The following ADAM19 variants were observed in gnomAD, a reference collection of about 807,000 sequenced individuals.
ADAM19 encodes disintegrin and metalloproteinase domain-containing protein 19.
Under a neutral mutation model 114.7 loss-of-function variants are expected in ADAM19, and 65 were observed. The observed-to-expected ratio is 0.57, with a 90% CI of 0.46 to 0.70. The LOEUF is 0.70. Among genes scored for constraint, ADAM19 ranks in the 30% least tolerant of loss-of-function variants. The pLI, the probability that ADAM19 is intolerant of heterozygous loss-of-function variation, is 0.00. For missense variants in ADAM19, 1,063 were observed against 1,204.7 expected, an observed-to-expected ratio of 0.88 and a Z score of 1.74; for synonymous variants, 466 against 460.5, an observed-to-expected ratio of 1.01 and a Z score of -0.15.
chr5:157,550,451 A>C (rs1757160651), intron 3 of ADAM19, among the ~76,000 whole-genome samples: 1 of 152,148 alleles, frequency 6.6e-6, no homozygotes, highest in Admixed American at 6.5e-5. Context: ...CTCAATTTCC[A>C]AATAAGGTCA....
chr5:157,483,427 G>T (rs1754825735), intron 21 of ADAM19, among the ~76,000 whole-genome samples: 1 of 152,164 alleles, frequency 6.6e-6, no homozygotes, highest in Admixed American at 6.5e-5. Flanking sequence ...TAAAAAGAAT[G>T]AAGTAGGTTG....
chr5:157,503,800 C>A (rs1364258953), intron 11 of ADAM19, among the ~76,000 whole-genome samples: 2 of 152,168 alleles, frequency 1.3e-5, no homozygotes, highest in Admixed American at 6.5e-5. Flanking sequence ...CATTTTGGGC[C>A]AGTGATCTCA....
chr5:157,568,156 G>A (rs779139002), intron 2 of ADAM19: 5 of 152,052 alleles, frequency 3.3e-5, no homozygotes, highest in Admixed American at 1.3e-4. Context: ...TGTAATTTTA[G>A]TAGACAGGGT....
At chr5:157,548,694 A>T (rs1386991270) in intron 3 of ADAM19, among the ~76,000 whole-genome samples, 3 of 152,156 alleles carry the variant, frequency 2.0e-5, no homozygotes, top group African/African-American at 7.2e-5. Flanking sequence ...AATCAAAAAC[A>T]TCTCCTGGGT....
At chr5:157,520,938 T>C (rs1756269035) in intron 5 of ADAM19, among the ~76,000 whole-genome samples, 1 of 152,210 alleles carries the variant, frequency 6.6e-6, no homozygotes, top group African/African-American at 2.4e-5. Flanking sequence ...AAACATTTAC[T>C]GGGCTCCTGC....
rs377513607 is a variant in ADAM19 at position 157,505,800 on chromosome 5, G to A, written c.999C>T (p.Ser333=). 46 of 1,613,860 alleles carry A rather than the reference G, an allele frequency of 2.9e-5. No individual in the cohort carries two copies. In the Middle Eastern group the frequency reaches 8.2e-4, roughly 29 times the overall value. ...TGGCAGCCACGCCAATGGCATTCTC[G>A]GAGTGGTCCTGCTCAGAAGACAGAG... is the stretch of plus-strand genomic sequence containing the variant. ...YQSGGVNMDH[S]ENAIGVAATM... The change falls in exon 11 of 23, where the codon TCC becomes TCT. Residue 333 remains serine (S), a synonymous_variant. Transcript: ENST00000257527.
intron 3 of ADAM19, among the ~76,000 whole-genome samples, chr5:157,550,056 A>C (rs1428724536): frequency 6.6e-6 from 1 of 152,246 alleles, no homozygotes; most frequent in Non-Finnish European, 1.5e-5. Context: ...ATCTGGAGAC[A>C]TCAGATTGCC....
intron 3 of ADAM19, among the ~76,000 whole-genome samples, chr5:157,540,574 G>A (rs995573059): frequency 1.1e-4 from 17 of 152,262 alleles, no homozygotes; most frequent in African/African-American, 4.1e-4. Flanking sequence ...TACACTGTGA[G>A]CTCCCCAAAA....
intron 6 of ADAM19, 69 bp from the exon 7 acceptor site, chr5:157,518,957 G>C: frequency 7.8e-7 from 1 of 1,288,832 alleles, no homozygotes; most frequent in Non-Finnish European, 1.1e-6. Flanking sequence ...AAACTGCTAA[G>C]AAACAGAGCT....
chr5:157,518,205 T>A (rs1174757776), intron 7 of ADAM19, among the ~76,000 whole-genome samples: 1 of 151,884 alleles, frequency 6.6e-6, no homozygotes, highest in African/African-American at 2.4e-5. Flanking sequence ...AACACCAGAA[T>A]CTAAAGGTCT....
In ADAM19 at chr5:157,479,158, C is replaced by T. The variant is rs1441155160; in HGVS notation, c.*1791G>A. 1.1e-5 allele frequency: 11 copies of T among 985,800 alleles called. No homozygotes were observed. The South Asian group carries it at 2.8e-4, about 25-fold the overall frequency. The allele number at this position is 985,800 out of a possible 1,614,324, so 61.1% of individuals were successfully genotyped here. On this transcript the variant is annotated 3_prime_UTR_variant, in exon 23 of 23. Transcript: ENST00000257527. Reference sequence around the variant, plus strand: ...GACCCACGGCAAGGACATGGGGAACCTGTATCACAGCCACCCTGAGGGAAG... The same window carrying T: ...GACCCACGGCAAGGACATGGGGAACTTGTATCACAGCCACCCTGAGGGAAG...
intron 4 of ADAM19, among the ~76,000 whole-genome samples, chr5:157,533,104 C>T (rs1322225900): frequency 1.3e-5 from 2 of 152,176 alleles, no homozygotes; most frequent in African/African-American, 4.8e-5. Context: ...CCAGCATATC[C>T]AGCCAGCCAT....
At chr5:157,496,617 C>T (rs1755373276) in intron 14 of ADAM19, among the ~76,000 whole-genome samples, 1 of 152,156 alleles carries the variant, frequency 6.6e-6, no homozygotes, top group African/African-American at 2.4e-5. Context: ...AGCTTAAGGG[C>T]CATTTGCATT....
chr5:157,515,232 C>T (rs7733662), intron 7 of ADAM19, among the ~76,000 whole-genome samples: 229 of 152,310 alleles, frequency 1.5e-3, no homozygotes, highest in African/African-American at 5.1e-3. Flanking sequence ...ATTATAGAGG[C>T]CTCCTGTTTC....
At chr5:157,511,266 G>T (rs1755912347) in intron 8 of ADAM19, among the ~76,000 whole-genome samples, 1 of 152,130 alleles carries the variant, frequency 6.6e-6, no homozygotes, top group Non-Finnish European at 1.5e-5. Flanking sequence ...GGTAGGTACT[G>T]CCCCAGCTGA....
Position 157,526,175 on chromosome 5 carries a change from C to T in ADAM19, c.407+4632G>A, listed in dbSNP as rs112104452. Among the ~76,000 whole-genome samples the T allele has an allele frequency of 7.1e-4, 95 of 133,738 alleles. 1 individual carries two copies. The highest frequency in any genetic ancestry group is 1.4e-3 in the African/African-American group (45 of 31,512). 87.7% of individuals were successfully genotyped at this position (133,738 alleles called of 152,430 possible). ...TCATATATACATATATATATATATA[C>T]ACACACACACACACACACACACACA... On this transcript the variant is annotated intron_variant, in intron 5 of 22. Coordinates refer to ENST00000257527, the MANE Select transcript of ADAM19 (RefSeq NM_033274.5).
rs1327117006 is a variant in ADAM19, at chr5:157,537,894, T to C, written c.330+19A>G. 6.2e-7 allele frequency: 1 copy of C among 1,605,572 alleles called. No individual in the cohort carries two copies. The highest frequency in any genetic ancestry group is 8.5e-7 in the Non-Finnish European group (1 of 1,172,498). On this transcript the variant is annotated intron_variant, in intron 4 of 22. Coordinates refer to ENST00000257527, the MANE Select transcript of ADAM19 (RefSeq NM_033274.5). The stretch of plus-strand genomic sequence containing the variant: ...GGAGAGGACAGCTGCTGGATAGACA[T>C]TTGTTGACCTGAACTCACCTCCAAT...
At chr5:157,537,746 A>G (rs1442056534) in intron 4 of ADAM19, among the ~76,000 whole-genome samples, 167 bp downstream of exon 4, 1 of 152,228 alleles carries the variant, frequency 6.6e-6, no homozygotes, top group African/African-American at 2.4e-5. Flanking sequence ...AGGAGCACCT[A>G]TGAACATCAA....
chr5:157,490,705 A>G (rs1277957134), intron 18 of ADAM19, among the ~76,000 whole-genome samples: 1 of 152,154 alleles, frequency 6.6e-6, no homozygotes, highest in Non-Finnish European at 1.5e-5. Flanking sequence ...CATCCTGACC[A>G]ACATGGTGAA....
Sources: allele counts gnomAD v4.1 joint callset (sites outside exome capture counted in the v4.1 genomes callset), GRCh38; gene constraint gnomAD v4.1.1; transcripts MANE v1.5; gene names NCBI Gene and HGNC (gene_info 2026-07-23, HGNC 2026-07-21).